Variants in UBR1 observed in about 807,000 individuals in gnomAD.
UBR1 encodes E3 ubiquitin-protein ligase UBR1.
In UBR1, 102 loss-of-function variants were observed where a neutral mutation model predicts 242.1. The observed-to-expected ratio is 0.42, with a 90% CI of 0.36 to 0.50. UBR1 has a LOEUF of 0.50. UBR1 is among the 20% of genes least tolerant of loss of function. The probability of loss-of-function intolerance (pLI) is 0.01; values close to 1 mark genes in which losing one functional copy is unlikely to be tolerated. For missense variants in UBR1, 1,772 were observed against 2,101.8 expected (o/e 0.84, Z 3.07); for synonymous variants, 675 against 684.8 (o/e 0.99, Z 0.22).
intron 37 of UBR1, among the ~76,000 whole-genome samples, chr15:42,981,979 C>T (rs1346369748): frequency 6.6e-6 from 1 of 152,152 alleles, no homozygotes; most frequent in Non-Finnish European, 1.5e-5. Flanking sequence ...TCCAGTATTG[C>T]TAATTAGAGA....
intron 36 of UBR1, among the ~76,000 whole-genome samples, 170 bp downstream of exon 36, chr15:42,984,717 C>T (rs913348365): frequency 1.3e-5 from 2 of 152,128 alleles, no homozygotes; most frequent in African/African-American, 4.8e-5. Flanking sequence ...CTGTAAAGTG[C>T]ACATGCTATT....
intron 37 of UBR1, among the ~76,000 whole-genome samples, chr15:42,979,455 A>G (rs2032342992): frequency 6.6e-6 from 1 of 152,206 alleles, no homozygotes; most frequent in African/African-American, 2.4e-5. Context: ...GGCTGTGACT[A>G]CTGGTCATGG....
chr15:42,998,446 T>C (rs1213564185), intron 32 of UBR1, among the ~76,000 whole-genome samples, 181 bp from the exon 33 acceptor site: 4 of 152,132 alleles, frequency 2.6e-5, no homozygotes, highest in Admixed American at 2.6e-4. Context: ...GAAGGAAATT[T>C]TAAACTTACA....
intron 23 of UBR1, 92 bp downstream of exon 23, chr15:43,026,469 C>T (rs1313893202): frequency 9.0e-6 from 9 of 999,280 alleles, no homozygotes; most frequent in South Asian, 2.6e-5. Flanking sequence ...TAAGAACCAG[C>T]GTGAAACTAT....
rs748593107 is a variant in UBR1 at position 42,984,010 on chromosome 15, A to C, written c.4054-17T>G. The C allele has an allele frequency of 8.1e-6, 13 of 1,601,256 alleles. No individual in the cohort carries two copies. The highest frequency in any genetic ancestry group is 1.3e-5 in the African/African-American group (1 of 74,620). ...ACCATTATGCTAGATTGTAAGAGAGAAGGAAGATAAAAAGATGAGGGAAGA... is the reference window on the plus strand; with the variant it reads ...ACCATTATGCTAGATTGTAAGAGAGCAGGAAGATAAAAAGATGAGGGAAGA... On this transcript the variant is annotated splice_polypyrimidine_tract_variant and intron_variant, in intron 36 of 46. Transcript: ENST00000290650.
At chr15:43,069,841 T>C (rs1031242719) in intron 5 of UBR1, among the ~76,000 whole-genome samples, 3 of 152,204 alleles carry the variant, frequency 2.0e-5, no homozygotes, top group Non-Finnish European at 4.4e-5. Flanking sequence ...ATGGCTCATA[T>C]TATGTTTACC....
At position 43,029,943 on chromosome 15, in the gene UBR1, C is replaced by G; in HGVS notation, c.2379+1G>C. The G allele has an allele frequency of 6.2e-7, 1 of 1,614,024 alleles. No homozygotes were observed. Among genetic ancestry groups the G allele is most frequent in the Non-Finnish European group, 8.5e-7 (1 of 1,179,970 alleles). ...AGAGATAAAACCAAAATCAGACTTA[C>G]ATTCTCAGGTAAATTTTTGGCAATG... On this transcript the variant is annotated splice_donor_variant, in intron 21 of 46. Transcript: ENST00000290650. LOFTEE classifies it high-confidence loss of function.
At position 42,976,793 on chromosome 15, in the gene UBR1, A is replaced by T. The variant is rs776365874; in HGVS notation, c.4293T>A (p.Ser1431=). ...GGAAGAGATAAAGGTGGTTATAGGA[A>T]GAACTAACTGAAGAAGGCTGCAGAT... is the stretch of plus-strand genomic sequence containing the variant. ...PVDLQPSSVS[S]SYNHLYLFHL... The change falls in exon 39 of 47, where the codon TCT becomes TCA. Residue 1431 remains serine (S), a synonymous_variant. Transcript: ENST00000290650. 6.2e-7 allele frequency: 1 copy of T among 1,614,154 alleles called. No individual in the cohort carries two copies. Among genetic ancestry groups the T allele is most frequent in the South Asian group, 1.1e-5 (1 of 91,086 alleles).
intron 39 of UBR1, 46 bp downstream of exon 39, chr15:42,976,671 C>A (rs1229685512): frequency 4.4e-6 from 7 of 1,606,512 alleles, no homozygotes; most frequent in Non-Finnish European, 6.0e-6. Flanking sequence ...GCCAGTAAAG[C>A]ATGGCAAAAT....
intron 2 of UBR1, among the ~76,000 whole-genome samples, chr15:43,084,694 C>A (rs1438751787): frequency 6.6e-6 from 1 of 152,174 alleles, no homozygotes; most frequent in Non-Finnish European, 1.5e-5. Flanking sequence ...ACCTCGTGAT[C>A]CACCTGCCTC....
chr15:42,973,912 G>A (rs1351641365), intron 39 of UBR1, among the ~76,000 whole-genome samples: 1 of 116,070 alleles, frequency 8.6e-6, no homozygotes, highest in Non-Finnish European at 1.7e-5. Context: ...TTTTTGAGAT[G>A]GAGTCTCGCA....
intron 1 of UBR1, among the ~76,000 whole-genome samples, chr15:43,095,659 C>T (rs1226205270): frequency 6.6e-6 from 1 of 151,952 alleles, no homozygotes. Flanking sequence ...TGTAGGCGGT[C>T]ATAGTAAATC....
chr15:43,021,395 C>A lies in UBR1; in HGVS notation c.2840-20G>T. On this transcript the variant is annotated intron_variant, in intron 26 of 46. Coordinates refer to ENST00000290650, the MANE Select transcript of UBR1 (RefSeq NM_174916.3). ...CCAATCCTTTTTTAAAACACAAAAT[C>A]ACACATCATAAATACATAAAGTCAT... 1 of 1,608,156 alleles carries A rather than the reference C, an allele frequency of 6.2e-7. No homozygotes were observed. Among genetic ancestry groups the A allele is most frequent in the South Asian group, 1.1e-5 (1 of 90,978 alleles).
intron 37 of UBR1, among the ~76,000 whole-genome samples, chr15:42,981,958 A>T (rs2032385667): frequency 6.6e-6 from 1 of 152,244 alleles, no homozygotes; most frequent in Non-Finnish European, 1.5e-5. Context: ...AAGCTACACT[A>T]CATAAATTCC....
intron 21 of UBR1, 51 bp from the exon 22 acceptor site, chr15:43,027,879 CT>C: frequency 7.1e-7 from 1 of 1,405,356 alleles, no homozygotes; most frequent in Non-Finnish European, 1.0e-6. Flanking sequence ...TGACTTCCAC[CT>C]CTCTGTGAAG....
intron 35 of UBR1, among the ~76,000 whole-genome samples, chr15:42,987,196 C>A (rs2032478177): frequency 1.3e-5 from 2 of 152,214 alleles, no homozygotes; most frequent in South Asian, 4.1e-4. Flanking sequence ...CCGGCAGGGG[C>A]AGAGCCGGGA....
intron 29 of UBR1, among the ~76,000 whole-genome samples, chr15:43,008,170 G>T (rs1006630016): frequency 6.6e-6 from 1 of 152,248 alleles, no homozygotes; most frequent in Admixed American, 6.5e-5. Flanking sequence ...CAGTGGAGGC[G>T]TGGCTGGGGC....
chr15:42,953,060 A>G (rs1163827242), intron 44 of UBR1, among the ~76,000 whole-genome samples: 1 of 151,964 alleles, frequency 6.6e-6, no homozygotes, highest in Admixed American at 6.6e-5. Flanking sequence ...AGTAGCTGGG[A>G]CTGAAATGAG....
intron 27 of UBR1, among the ~76,000 whole-genome samples, chr15:43,019,366 AATG>A (rs1467266991): frequency 6.6e-6 from 1 of 150,664 alleles, no homozygotes; most frequent in Non-Finnish European, 1.5e-5. Context: ...CCAGGCCAAT[AATG>A]ATATTACATC....
Sources: allele counts gnomAD v4.1 joint callset (sites outside exome capture counted in the v4.1 genomes callset), GRCh38; gene constraint gnomAD v4.1.1; transcripts MANE v1.5; gene names NCBI Gene and HGNC (gene_info 2026-07-23, HGNC 2026-07-21).